MPP7: variants seen among roughly 807,000 people sequenced by gnomAD.
MPP7 encodes MAGUK p55 subfamily member 7.
In MPP7, 60 loss-of-function variants were observed where a neutral mutation model predicts 76.5. The ratio of observed to expected loss-of-function variants is 0.78; its 90% CI spans 0.64 to 0.97. MPP7 has a LOEUF of 0.97. Ranked by LOEUF, MPP7 falls within the 50% of genes least tolerant of loss-of-function variation. The pLI is 0.00. For synonymous variants in MPP7, 237 were observed against 244.5 expected, an observed-to-expected ratio of 0.97 and a Z score of 0.29; for missense variants, 641 against 694.0, an observed-to-expected ratio of 0.92 and a Z score of 0.86.
At chr10:28,215,544 TGAAG>T (rs1304364021) in intron 2 of MPP7, among the ~76,000 whole-genome samples, 1 of 152,116 alleles carries the variant, frequency 6.6e-6, no homozygotes, top group East Asian at 1.9e-4. Context: ...TGCTGGGATC[TGAAG>T]GAAGCACAGA....
chr10:28,198,683 G>T (rs867991951), intron 3 of MPP7, among the ~76,000 whole-genome samples: 4 of 151,116 alleles, frequency 2.6e-5, no homozygotes, highest in African/African-American at 9.7e-5. Flanking sequence ...AAAACACACA[G>T]AAACATAACT....
chr10:28,256,936 T>C (rs1839806684), intron 1 of MPP7, among the ~76,000 whole-genome samples: 1 of 152,188 alleles, frequency 6.6e-6, no homozygotes, highest in East Asian at 1.9e-4. Flanking sequence ...AGTGAGTAAA[T>C]GAAGAGACAA....
intron 1 of MPP7, among the ~76,000 whole-genome samples, chr10:28,255,262 C>T (rs983729251): frequency 4.0e-5 from 6 of 149,996 alleles, no homozygotes; most frequent in African/African-American, 7.4e-5. Context: ...TACAGGTGCC[C>T]GCCACCACGC....
chr10:28,143,770 G>A (rs1486746507), intron 5 of MPP7, among the ~76,000 whole-genome samples: 3 of 141,382 alleles, frequency 2.1e-5, no homozygotes, highest in Admixed American at 7.0e-5. Context: ...CCAAGACCAC[G>A]TATTACAATT....
chr10:28,228,093 C>T (rs1043616077), intron 2 of MPP7, among the ~76,000 whole-genome samples: 1 of 152,030 alleles, frequency 6.6e-6, no homozygotes, highest in African/African-American at 2.4e-5. Flanking sequence ...ATCAAATCAG[C>T]AAAGTATACT....
At chr10:28,318,514 A>G (rs1834340733) in intron 2 of MPP7, among the ~76,000 whole-genome samples, 1 of 152,132 alleles carries the variant, frequency 6.6e-6, no homozygotes, top group Non-Finnish European at 1.5e-5. Flanking sequence ...GGTGAAACCC[A>G]TCTCTACTAA....
intron 5 of MPP7, among the ~76,000 whole-genome samples, chr10:28,146,386 G>GTTTT (rs1000265081): frequency 7.2e-6 from 1 of 139,772 alleles, no homozygotes; most frequent in Non-Finnish European, 1.5e-5. Flanking sequence ...GTCCACGCAT[G>GTTTT]TTTTTTTTTT....
chr10:28,199,099 T>C (rs12771860), intron 3 of MPP7, among the ~76,000 whole-genome samples: 1 of 152,108 alleles, frequency 6.6e-6, no homozygotes, highest in African/African-American at 2.4e-5. Context: ...GAGCCAAGCA[T>C]AAGGGGTTTC....
intron 11 of MPP7, among the ~76,000 whole-genome samples, chr10:28,101,650 T>C (rs1368700390): frequency 6.6e-6 from 1 of 151,994 alleles, no homozygotes; most frequent in African/African-American, 2.4e-5. Context: ...AAATTATTTG[T>C]AAGAAAGTAT....
intron 11 of MPP7, among the ~76,000 whole-genome samples, chr10:28,096,479 C>T (rs1024771322): frequency 2.6e-5 from 4 of 152,100 alleles, no homozygotes; most frequent in African/African-American, 9.7e-5. Context: ...ATTTTGATCA[C>T]TTTTGGAGTA....
In MPP7 at chr10:28,109,848, C is replaced by CAA. The variant is rs869206744; in HGVS notation, c.952+9801_952+9802dup. On this transcript the variant is annotated intron_variant, in intron 11 of 16. Transcript: ENST00000683449. ...ACAGTTAGAAGGCCAGCCGCAGACG[C>CAA]AAAAAAAAAAAAAAAAAAAAAAAAA... is the stretch of plus-strand genomic sequence containing the variant. Among the ~76,000 whole-genome samples, 176 of 19,162 alleles carry CAA rather than the reference C, an allele frequency of 9.2e-3. 12 individuals carry two copies. Among genetic ancestry groups the CAA allele is most frequent in the African/African-American group, 0.011 (43 of 4,024 alleles). 12.6% of individuals were successfully genotyped at this position (19,162 alleles called of 152,430 possible).
rs144902700 is a variant in MPP7, at chr10:28,289,233, G to A, written c.-132+13628C>T. On this transcript the variant is annotated intron_variant, in intron 1 of 16. Transcript: ENST00000683449. ...GGAGACTCGCTTGAACCCAGGAGGC[G>A]GAGGTTGCAGTGAGCCAAGACCATG... 14 of 152,286 alleles carry A rather than the reference G, an allele frequency of 9.2e-5. No individual in the cohort carries two copies. The South Asian group carries it at 1.2e-3, about 14-fold the overall frequency. 9.4% of individuals were successfully genotyped at this position (152,286 alleles called of 1,614,324 possible). A position where few individuals can be genotyped will look rare whatever the true frequency, so the allele number is the denominator to read the frequency against.
At chr10:28,099,904 C>T (rs191508422) in intron 11 of MPP7, among the ~76,000 whole-genome samples, 68 of 151,342 alleles carry the variant, frequency 4.5e-4, no homozygotes, top group Non-Finnish European at 7.4e-4. Context: ...ATTTTTTCAA[C>T]GGAGAAAAAA....
At chr10:28,058,073 T>A (rs570286321) in intron 15 of MPP7, among the ~76,000 whole-genome samples, 2 of 152,282 alleles carry the variant, frequency 1.3e-5, no homozygotes, top group East Asian at 3.9e-4. Flanking sequence ...CTAGGATATA[T>A]ACAGAACCAA....
At chr10:28,139,200 G>A (rs1285656167) in intron 5 of MPP7, among the ~76,000 whole-genome samples, 1 of 152,262 alleles carries the variant, frequency 6.6e-6, no homozygotes, top group Admixed American at 6.5e-5. Context: ...TGGGTAGAAA[G>A]AGCATGGAGG....
chr10:28,227,566 G>A (rs541168101), intron 2 of MPP7, among the ~76,000 whole-genome samples: 9 of 152,126 alleles, frequency 5.9e-5, no homozygotes, highest in African/African-American at 2.2e-4. Flanking sequence ...AACATGCAGT[G>A]TTTGGCTTTC....
chr10:28,211,474 G>C (rs1019118271), intron 2 of MPP7, among the ~76,000 whole-genome samples: 1 of 151,646 alleles, frequency 6.6e-6, no homozygotes, highest in Non-Finnish European at 1.5e-5. Flanking sequence ...GAGAGAGAGA[G>C]AGAATTACTG....
At chr10:28,220,940 A>G (rs1179813925) in intron 2 of MPP7, among the ~76,000 whole-genome samples, 1 of 152,156 alleles carries the variant, frequency 6.6e-6, no homozygotes, top group African/African-American at 2.4e-5. Context: ...AGTGGAATTA[A>G]AAAGCATTTA....
At chr10:28,100,961 T>G (rs1473928723) in intron 11 of MPP7, among the ~76,000 whole-genome samples, 1 of 152,168 alleles carries the variant, frequency 6.6e-6, no homozygotes, top group Non-Finnish European at 1.5e-5. Flanking sequence ...AATAAGCTCT[T>G]ACTTATACCT....
Sources: allele counts gnomAD v4.1 joint callset (sites outside exome capture counted in the v4.1 genomes callset), GRCh38; gene constraint gnomAD v4.1.1; transcripts MANE v1.5; gene names NCBI Gene and HGNC (gene_info 2026-07-23, HGNC 2026-07-21).